HYCC1: variants seen among roughly 807,000 people sequenced by gnomAD.
HYCC1 encodes hyccin.
At chr7:22,963,990 A>G in the HYCC1 span, among the ~76,000 whole-genome samples, 1 of 152,220 alleles carries the variant, frequency 6.6e-6, no homozygotes, top group Non-Finnish European at 1.5e-5. Context: ...AGAAACTAAT[A>G]GAAAGCTAAT....
the HYCC1 span, among the ~76,000 whole-genome samples, chr7:22,900,827 G>A: frequency 8.8e-4 from 134 of 152,164 alleles, 4 homozygotes; most frequent in South Asian, 0.027. Context: ...ATCAGAGTGA[G>A]TAGAAAAAAG....
chr7:22,960,129 G>T, the HYCC1 span: 1 of 986,106 alleles, frequency 1.0e-6, no homozygotes, highest in Non-Finnish European at 1.6e-6. Context: ...TAGGAGTTAA[G>T]GGCAACTCCA....
the HYCC1 span, chr7:22,946,108 C>G: frequency 3.1e-6 from 5 of 1,613,220 alleles, no homozygotes; most frequent in Non-Finnish European, 4.2e-6. Context: ...AATAAAATCC[C>G]TCGTCAACTT....
At chr7:22,978,549 C>CT in the HYCC1 span, 3 of 995,858 alleles carry the variant, frequency 3.0e-6, no homozygotes, top group Admixed American at 6.4e-5. Context: ...AAAATCATAT[C>CT]TTTTTAAGTT....
chr7:22,949,571 G>T, the HYCC1 span, among the ~76,000 whole-genome samples: 3 of 151,936 alleles, frequency 2.0e-5, no homozygotes, highest in Non-Finnish European at 4.4e-5. Flanking sequence ...TAATTCTTGA[G>T]TTTAGGTCTG....
At chr7:22,944,597 T>A in the HYCC1 span, 1 of 152,164 alleles carries the variant, frequency 6.6e-6, no homozygotes, top group Non-Finnish European at 1.5e-5. Flanking sequence ...CTTTATTTTC[T>A]TTCATGACAT....
the HYCC1 span, among the ~76,000 whole-genome samples, chr7:22,984,410 A>G: frequency 1.6e-3 from 251 of 152,296 alleles, 2 homozygotes; most frequent in African/African-American, 5.6e-3. Flanking sequence ...ATCTTTGATC[A>G]TAGTTTGGGA....
the HYCC1 span, chr7:22,946,919 A>C: frequency 6.6e-7 from 1 of 1,518,310 alleles, no homozygotes; most frequent in Non-Finnish European, 8.8e-7. Context: ...ACTGCTGCTT[A>C]ACATGCATCA....
chr7:22,987,285 G>A, the HYCC1 span, among the ~76,000 whole-genome samples: 4 of 152,316 alleles, frequency 2.6e-5, no homozygotes, highest in South Asian at 2.1e-4. Flanking sequence ...GGTGGCTCAC[G>A]CCTGTAATCC....
At chr7:23,001,717 A>C in the HYCC1 span, among the ~76,000 whole-genome samples, 1 of 152,090 alleles carries the variant, frequency 6.6e-6, no homozygotes, top group Non-Finnish European at 1.5e-5. Context: ...GAAAAGAAAA[A>C]AGATGAGAAA....
chr7:23,006,991 T>C, the HYCC1 span, among the ~76,000 whole-genome samples: 1 of 152,202 alleles, frequency 6.6e-6, no homozygotes, highest in African/African-American at 2.4e-5. Context: ...CAAATTGATC[T>C]TGAACACTCA....
At chr7:22,977,670 T>C in the HYCC1 span, among the ~76,000 whole-genome samples, 2 of 152,200 alleles carry the variant, frequency 1.3e-5, no homozygotes, top group East Asian at 1.9e-4. Context: ...AGTGTCTTAA[T>C]AATCCTTGAT....
chr7:22,924,615 G>C, the HYCC1 span, among the ~76,000 whole-genome samples: 9 of 152,364 alleles, frequency 5.9e-5, no homozygotes, highest in East Asian at 1.5e-3. Context: ...CAAACTGCAA[G>C]GCGGCAGCAA....
the HYCC1 span, among the ~76,000 whole-genome samples, chr7:23,009,899 T>C: frequency 6.6e-6 from 1 of 152,158 alleles, no homozygotes; most frequent in Admixed American, 6.5e-5. Context: ...TTAGTGCAGA[T>C]ATGCAGCCTA....
the HYCC1 span, among the ~76,000 whole-genome samples, chr7:22,915,975 C>T: frequency 1.3e-5 from 2 of 152,194 alleles, no homozygotes; most frequent in East Asian, 3.9e-4. Flanking sequence ...CACATCCTCC[C>T]CTTGTATCTC....
chr7:22,989,525 TA>T, the HYCC1 span, among the ~76,000 whole-genome samples: 30 of 86,764 alleles, frequency 3.5e-4, no homozygotes, highest in South Asian at 7.2e-4. Flanking sequence ...TTTATTTATT[TA>T]TTTTTTTTTT....
chr7:22,964,070 T>C, the HYCC1 span, among the ~76,000 whole-genome samples: 7 of 150,648 alleles, frequency 4.6e-5, no homozygotes, highest in East Asian at 1.4e-3. Flanking sequence ...AATGGAAAAA[T>C]ATATTTCTTG....
chr7:22,987,928 T>C, the HYCC1 span, among the ~76,000 whole-genome samples: 186 of 152,270 alleles, frequency 1.2e-3, 1 homozygote, highest in East Asian at 0.022. Context: ...AATATGTATG[T>C]AACCAAAACC....
chr7:22,915,103 A>T, the HYCC1 span, among the ~76,000 whole-genome samples: 2 of 152,178 alleles, frequency 1.3e-5, no homozygotes, highest in Admixed American at 1.3e-4. Context: ...TTACCACCCC[A>T]GACCCAGAGG....
Sources: gnomAD v4.1 joint callset for allele counts (sites outside exome capture counted in the v4.1 genomes callset) on GRCh38, gnomAD v4.1.1 for gene constraint, MANE v1.5 for transcripts, NCBI Gene and HGNC (gene_info 2026-07-23, HGNC 2026-07-21) for gene names.